Variants in PHF20L1 observed in about 807,000 individuals in gnomAD.
The protein encoded by PHF20L1 is PHD finger protein 20 like 1.
Under a neutral mutation model 125.5 loss-of-function variants are expected in PHF20L1, and 44 were observed. The ratio of observed to expected loss-of-function variants is 0.35; its 90% CI spans 0.28 to 0.45. The LOEUF (loss-of-function observed/expected upper bound fraction) is 0.45, where lower values mean the gene tolerates loss of function less well. Among genes scored for constraint, PHF20L1 ranks in the 20% least tolerant of loss-of-function variants. The pLI, the probability that PHF20L1 is intolerant of heterozygous loss-of-function variation, is 1.00. For synonymous variants in PHF20L1, 380 were observed against 403.1 expected, an observed-to-expected ratio of 0.94 and a Z score of 0.69; for missense variants, 1,012 against 1,217.2, an observed-to-expected ratio of 0.83 and a Z score of 2.51.
At chr8:132,812,757 C>T (rs942031304) in intron 9 of PHF20L1, 6 of 983,896 alleles carry the variant, frequency 6.1e-6, no homozygotes, top group Non-Finnish European at 7.2e-6. Flanking sequence ...TTGGTATCAG[C>T]AATAGACCTA....
At chr8:132,811,541 C>CT in intron 9 of PHF20L1, 1 of 984,172 alleles carries the variant, frequency 1.0e-6, no homozygotes, top group Non-Finnish European at 1.2e-6. Context: ...GTTAGACTGA[C>CT]TATGTGTTTT....
chr8:132,837,944 G>C, intron 17 of PHF20L1, 133 bp downstream of exon 17: 2 of 646,970 alleles, frequency 3.1e-6, no homozygotes, highest in South Asian at 3.3e-5. Flanking sequence ...CTTGGAAACT[G>C]TGACTCCAAA....
chr8:132,841,051 T>A (rs920966814), intron 18 of PHF20L1, among the ~76,000 whole-genome samples: 1 of 151,786 alleles, frequency 6.6e-6, no homozygotes, highest in Non-Finnish European at 1.5e-5. Context: ...GGTCTTTTTT[T>A]AAAACCTTAT....
At chr8:132,817,673 T>C (rs531277195) in intron 12 of PHF20L1, 128 bp downstream of exon 12, 2 of 644,202 alleles carry the variant, frequency 3.1e-6, no homozygotes, top group Admixed American at 2.9e-5. Flanking sequence ...ATAAATACTT[T>C]AACATTTATA....
intron 4 of PHF20L1, among the ~76,000 whole-genome samples, chr8:132,797,602 T>A (rs1297375723): frequency 1.3e-5 from 2 of 151,858 alleles, no homozygotes; most frequent in African/African-American, 2.4e-5. Flanking sequence ...GTACACAGAG[T>A]TTGGCATTCT....
At chr8:132,801,870 TATTTAA>T (rs929413339) in intron 6 of PHF20L1, among the ~76,000 whole-genome samples, 1 of 151,676 alleles carries the variant, frequency 6.6e-6, no homozygotes, top group Non-Finnish European at 1.5e-5. Context: ...TTTAAAAACA[TATTTAA>T]ATTTAAAAGG....
intron 9 of PHF20L1, chr8:132,811,606 C>CA (rs1157181443): frequency 2.8e-5 from 27 of 981,550 alleles, no homozygotes; most frequent in Non-Finnish European, 3.3e-5. Context: ...TTAATAACTA[C>CA]AAAAAAAGAG....
intron 15 of PHF20L1, among the ~76,000 whole-genome samples, chr8:132,835,030 G>A (rs1339138897): frequency 6.6e-6 from 1 of 152,098 alleles, no homozygotes; most frequent in Non-Finnish European, 1.5e-5. Context: ...TGTGAAAAAT[G>A]TAGAGTATAA....
Position 132,842,772 on chromosome 8 carries a change from C to T in PHF20L1, c.2645C>T (p.Ser882Leu). 1 of 1,613,262 alleles carries T rather than the reference C, an allele frequency of 6.2e-7. No individual in the cohort carries two copies. Among genetic ancestry groups the T allele is most frequent in the Non-Finnish European group, 8.5e-7 (1 of 1,179,522 alleles). Reference sequence around the variant, plus strand: ...AAATCTCTCGCAGACCCTGGGAGCTCAGATGATGATGATGTTAGTAGTTTG... The same window carrying T: ...AAATCTCTCGCAGACCCTGGGAGCTTAGATGATGATGATGTTAGTAGTTTG... Reference protein sequence around the residue: ...DCKSLADPGSSDDDDVSSLEE... With the variant: ...DCKSLADPGSLDDDDVSSLEE... Residue 882 changes from serine (S) to leucine (L), a missense_variant, in exon 19 of 21, where the codon TCA (serine) becomes TTA (leucine). Coordinates refer to ENST00000395386, the MANE Select transcript of PHF20L1 (RefSeq NM_016018.5).
intron 2 of PHF20L1, among the ~76,000 whole-genome samples, chr8:132,792,320 G>C (rs1015509834): frequency 6.6e-5 from 10 of 152,088 alleles, no homozygotes; most frequent in Admixed American, 5.2e-4. Context: ...CAATTTTTAT[G>C]TTTTAAAAAC....
chr8:132,787,841 A>G (rs1191373053), intron 2 of PHF20L1, among the ~76,000 whole-genome samples: 1 of 152,084 alleles, frequency 6.6e-6, no homozygotes, highest in East Asian at 1.9e-4. Context: ...AGGATACAAG[A>G]ATATTTTGTT....
chr8:132,834,355 A>G (rs1837113525), intron 15 of PHF20L1, among the ~76,000 whole-genome samples: 1 of 152,072 alleles, frequency 6.6e-6, no homozygotes. Context: ...TTATTTATTG[A>G]GGCAAGATCT....
At chr8:132,834,635 A>AT (rs1837143520) in intron 15 of PHF20L1, among the ~76,000 whole-genome samples, 1 of 152,056 alleles carries the variant, frequency 6.6e-6, no homozygotes, top group Non-Finnish European at 1.5e-5. Context: ...TGCCCGGCCC[A>AT]TTTAATACTG....
At chr8:132,808,619 G>GC (rs1327197284) in intron 8 of PHF20L1, 2 of 151,904 alleles carry the variant, frequency 1.3e-5, no homozygotes, top group Non-Finnish European at 2.9e-5. Flanking sequence ...AGTTCATTGG[G>GC]CCTTAAGAAT....
chr8:132,804,523 G>A (rs953598337), intron 7 of PHF20L1, 92 bp from the exon 8 acceptor site: 32 of 957,478 alleles, frequency 3.3e-5, no homozygotes, highest in Non-Finnish European at 4.3e-5. Context: ...AAACTAATGT[G>A]CAAAGCATTT....
chr8:132,783,807 A>T (rs1830703962), intron 2 of PHF20L1, among the ~76,000 whole-genome samples: 1 of 152,190 alleles, frequency 6.6e-6, no homozygotes, highest in Non-Finnish European at 1.5e-5. Context: ...GTATACATCA[A>T]AATAAATGAA....
At chr8:132,811,410 A>G (rs896525399) in intron 9 of PHF20L1, 1 of 1,083,110 alleles carries the variant, frequency 9.2e-7, no homozygotes, top group Non-Finnish European at 1.1e-6. Flanking sequence ...ATCACCTTTA[A>G]CTAGCTTACA....
intron 4 of PHF20L1, among the ~76,000 whole-genome samples, chr8:132,796,963 G>A (rs1832462963): frequency 1.3e-5 from 2 of 152,046 alleles, no homozygotes; most frequent in Admixed American, 1.3e-4. Flanking sequence ...CCCTGTGTGT[G>A]TGCAGATGCA....
intron 8 of PHF20L1, chr8:132,809,332 A>C (rs1285964180): frequency 6.6e-6 from 1 of 151,720 alleles, no homozygotes; most frequent in Non-Finnish European, 1.5e-5. Context: ...ACACCCAGCT[A>C]ATTTTTGTAT....
Sources: gnomAD v4.1 joint callset for allele counts (sites outside exome capture counted in the v4.1 genomes callset) on GRCh38, gnomAD v4.1.1 for gene constraint, MANE v1.5 for transcripts, NCBI Gene and HGNC (gene_info 2026-07-23, HGNC 2026-07-21) for gene names.